The following FGFR2 variants were observed in gnomAD, a reference collection of about 807,000 sequenced individuals.
FGFR2 encodes the protein BEK fibroblast growth factor receptor.
A neutral mutation model predicts 95.9 loss-of-function variants in FGFR2; 19 were observed. The ratio of observed to expected loss-of-function variants is 0.20; its 90% confidence interval spans 0.14 to 0.29. The LOEUF (loss-of-function observed/expected upper bound fraction) is 0.29, where lower values mean the gene tolerates loss of function less well. Ranked by LOEUF, FGFR2 falls within the 10% of genes least tolerant of loss-of-function variation. FGFR2 has a pLI of 1.00. For missense variants in FGFR2, 707 were observed against 1,056.9 expected, an observed-to-expected ratio of 0.67 and a Z score of 4.59; for synonymous variants, 392 against 393.3, an observed-to-expected ratio of 1.00 and a Z score of 0.04.
At chr10:121,534,551 A>G (rs1458347193) in intron 6 of FGFR2, among the ~76,000 whole-genome samples, 1 of 150,710 alleles carries the variant, frequency 6.6e-6, no homozygotes, top group Non-Finnish European at 1.5e-5. Context: ...GCCCACCACC[A>G]CACCCGGCTA....
chr10:121,542,932 T>C (rs982877472), intron 5 of FGFR2, among the ~76,000 whole-genome samples: 10 of 152,218 alleles, frequency 6.6e-5, no homozygotes, highest in African/African-American at 1.9e-4. Flanking sequence ...GGCTGTCACC[T>C]GGATATTTAC....
chr10:121,503,220 A>G (rs1346539619), intron 10 of FGFR2, among the ~76,000 whole-genome samples: 2 of 152,244 alleles, frequency 1.3e-5, no homozygotes, highest in Non-Finnish European at 2.9e-5. Context: ...CCAGGTGGCC[A>G]TATTTTGACT....
At chr10:121,580,272 C>A (rs35605722) in intron 2 of FGFR2, among the ~76,000 whole-genome samples, 1 of 152,194 alleles carries the variant, frequency 6.6e-6, no homozygotes, top group Non-Finnish European at 1.5e-5. Context: ...AAGGGCTCGG[C>A]CTTTCTTCTC....
intron 5 of FGFR2, among the ~76,000 whole-genome samples, chr10:121,539,360 T>TC (rs1253586659): frequency 2.6e-5 from 4 of 152,142 alleles, no homozygotes; most frequent in Non-Finnish European, 4.4e-5. Context: ...CGGCAATGAA[T>TC]CCTTACAAAA....
rs1393837616 is a variant in FGFR2, at chr10:121,528,000, C to T, written c.749-7831G>A. On this transcript the variant is annotated intron_variant, in intron 6 of 17. Transcript: ENST00000358487. Reference sequence around the variant, plus strand: ...CTTCAGGGGAAGAAAATGTTTCCTTCGAGCTGGAAAAGTTTGTTCTTTTTT... The same window carrying T: ...CTTCAGGGGAAGAAAATGTTTCCTTTGAGCTGGAAAAGTTTGTTCTTTTTT... 6 of 152,164 alleles carry T rather than the reference C, an allele frequency of 3.9e-5. 1 individual carries two copies. Among genetic ancestry groups the T allele is most frequent in the Admixed American group, 2.6e-4 (4 of 15,272 alleles). The allele number at this position is 152,164 out of a possible 1,614,324, so 9.4% of individuals were successfully genotyped here.
chr10:121,539,335 G>C (rs1257575503), intron 5 of FGFR2, among the ~76,000 whole-genome samples: 1 of 152,152 alleles, frequency 6.6e-6, no homozygotes, highest in East Asian at 1.9e-4. Context: ...GAAATACCCA[G>C]AATTCCAAAT....
chr10:121,538,385 AT>A, intron 6 of FGFR2: 1 of 827,196 alleles, frequency 1.2e-6, no homozygotes, highest in Non-Finnish European at 2.2e-6. Flanking sequence ...CATGAGGATC[AT>A]GCAAAGCTCA....
intron 9 of FGFR2, among the ~76,000 whole-genome samples, chr10:121,511,589 G>A (rs1421112597): frequency 6.6e-6 from 1 of 152,148 alleles, no homozygotes; most frequent in Non-Finnish European, 1.5e-5. Context: ...CCCCTCTCTG[G>A]GCTGGCTGTT....
At chr10:121,502,205 T>C (rs910000467) in intron 10 of FGFR2, among the ~76,000 whole-genome samples, 10 of 152,232 alleles carry the variant, frequency 6.6e-5, no homozygotes, top group African/African-American at 1.7e-4. Context: ...TATATAGGAA[T>C]GTGCACATGA....
At position 121,523,303 on chromosome 10, in the gene FGFR2, G is replaced by A. The variant is rs563380136; in HGVS notation, c.749-3134C>T. Among the ~76,000 whole-genome samples the A allele has an allele frequency of 1.0e-3, 158 of 152,276 alleles. 2 individuals carry two copies. The highest frequency in any genetic ancestry group is 2.8e-4 in the Non-Finnish European group (19 of 68,024). The stretch of plus-strand genomic sequence containing the variant: ...ATCTCAAAGCTGGGCCCCTTCAGAC[G>A]TCAGGTGAAACCCTTGCTCTCTGGC... On this transcript the variant is annotated intron_variant, in intron 6 of 17. Coordinates refer to ENST00000358487, the MANE Select transcript of FGFR2 (RefSeq NM_000141.5).
chr10:121,500,686 T>C (rs1847482979), intron 11 of FGFR2, 140 bp downstream of exon 11: 2 of 1,174,912 alleles, frequency 1.7e-6, no homozygotes, highest in Non-Finnish European at 2.5e-6. Flanking sequence ...TGCTGATTTA[T>C]ACCGAAAACT....
chr10:121,508,303 G>A (rs1848588802), intron 9 of FGFR2, among the ~76,000 whole-genome samples: 1 of 152,318 alleles, frequency 6.6e-6, no homozygotes, highest in South Asian at 2.1e-4. Context: ...AGGATGGGCT[G>A]GGGTTCTAGT....
At chr10:121,580,334 G>A (rs1860641101) in intron 2 of FGFR2, among the ~76,000 whole-genome samples, 1 of 152,106 alleles carries the variant, frequency 6.6e-6, no homozygotes, top group Non-Finnish European at 1.5e-5. Flanking sequence ...ATGTGTCCCC[G>A]CCTGATCCCC....
At chr10:121,558,962 C>T (rs149460656) in intron 4 of FGFR2, among the ~76,000 whole-genome samples, 45 of 152,156 alleles carry the variant, frequency 3.0e-4, no homozygotes, top group East Asian at 1.9e-3. Flanking sequence ...ATCTAAAAAA[C>T]ACTCTAGCAG....
Position 121,518,539 on chromosome 10 carries a change from C to T in FGFR2, c.940-1076G>A, listed in dbSNP as rs972181212. ...GCTACTGGCATCATACCAGCTGCATCACCGAAGAAAGATTATTATAAATAT... is the reference window on the plus strand; with the variant it reads ...GCTACTGGCATCATACCAGCTGCATTACCGAAGAAAGATTATTATAAATAT... On this transcript the variant is annotated intron_variant, in intron 7 of 17. Coordinates refer to ENST00000358487, the MANE Select transcript of FGFR2 (RefSeq NM_000141.5). This position sits in a 1 kb window ranked among gnomAD's most constrained non-coding sequence, Gnocchi z 4.0. 3 of 893,840 alleles carry T rather than the reference C, an allele frequency of 3.4e-6. No homozygotes were observed. In the African/African-American group the frequency reaches 5.1e-5, roughly 15 times the overall value. The allele number at this position is 893,840 out of a possible 1,614,324, so 55.4% of individuals were successfully genotyped here.
intron 17 of FGFR2, chr10:121,480,545 T>C (rs1399917875): frequency 4.4e-6 from 1 of 225,192 alleles, no homozygotes; most frequent in Non-Finnish European, 9.0e-6. Context: ...ATTTTACTAT[T>C]GTAGTTTCGG....
chr10:121,529,114 T>C (rs1282313483), intron 6 of FGFR2, among the ~76,000 whole-genome samples: 1 of 151,574 alleles, frequency 6.6e-6, no homozygotes, highest in Admixed American at 6.6e-5. Context: ...TTTAATTTTT[T>C]TTGTTTGTTT....
In FGFR2 at chr10:121,518,654, A is replaced by T; in HGVS notation, c.940-1191T>A. On this transcript the variant is annotated intron_variant, in intron 7 of 17. Coordinates refer to ENST00000358487, the MANE Select transcript of FGFR2 (RefSeq NM_000141.5). This position sits in a 1 kb window ranked among gnomAD's most constrained non-coding sequence, Gnocchi z 4.0. ...CTTCTATATCCAGCTTTCTTTTTAA[A>T]AAAAGACAAAAATGAAAGCATTGTT... is the stretch of plus-strand genomic sequence containing the variant. The T allele has an allele frequency of 6.2e-7, 1 of 1,614,096 alleles. No homozygotes were observed. The highest frequency in any genetic ancestry group is 1.3e-5 in the African/African-American group (1 of 75,056).
chr10:121,596,618 AGGCT>A (rs1406788067), intron 1 of FGFR2: 1 of 204,624 alleles, frequency 4.9e-6, no homozygotes, highest in Non-Finnish European at 1.0e-5. Context: ...CAAGGGGTCA[AGGCT>A]AGGGGGAAAT....
Sources: gnomAD v4.1 joint callset for allele counts (sites outside exome capture counted in the v4.1 genomes callset) on GRCh38, gnomAD v4.1.1 for gene constraint, Gnocchi (gnomAD v3.1) non-coding constraint, MANE v1.5 for transcripts, NCBI Gene and HGNC (gene_info 2026-07-23, HGNC 2026-07-21) for gene names.